Variants in ST7 observed in about 807,000 individuals in gnomAD.
ST7 encodes the protein suppressor of tumorigenicity 7 protein.
ST7 carries 28 observed loss-of-function variants against 78.7 expected under a neutral mutation model. The ratio of observed to expected loss-of-function variants is 0.36; its 90% CI spans 0.26 to 0.49. The LOEUF is 0.49. ST7 is among the 20% of genes least tolerant of loss of function. The pLI is 0.99. For synonymous variants in ST7, 247 were observed against 249.6 expected (o/e 0.99, Z 0.10); for missense variants, 418 against 696.0 (o/e 0.60, Z 4.49).
chr7:117,176,552 T>G lies in ST7; in HGVS notation c.1078+5576T>G, dbSNP rs116014934. On this transcript the variant is annotated intron_variant, in intron 10 of 15. Coordinates refer to ENST00000323984, the MANE Select transcript of ST7 (RefSeq NM_001369598.1). ...CATGTAGTTATAACTAAAAATTTCG[T>G]AAACCTTGCTTATTTCCCAAGGCCT... is the stretch of plus-strand genomic sequence containing the variant. 3.3e-3 allele frequency among the ~76,000 whole-genome samples: 507 copies of G among 152,332 alleles called. 5 individuals are homozygous for G. The highest frequency in any genetic ancestry group is 0.011 in the African/African-American group (474 of 41,580).
chr7:117,001,989 G>C (rs897785893), intron 1 of ST7, among the ~76,000 whole-genome samples: 5 of 152,110 alleles, frequency 3.3e-5, no homozygotes, highest in Non-Finnish European at 5.9e-5. Context: ...ACTTTGGGAG[G>C]CTGAGGCGGA....
chr7:117,160,385 C>G (rs1807039884), intron 9 of ST7, among the ~76,000 whole-genome samples: 1 of 151,938 alleles, frequency 6.6e-6, no homozygotes, highest in African/African-American at 2.4e-5. Context: ...GTAGTGGGAG[C>G]TAGGTGTTAT....
intron 1 of ST7, among the ~76,000 whole-genome samples, chr7:117,004,705 A>G (rs1232944011): frequency 1.3e-5 from 2 of 152,136 alleles, no homozygotes; most frequent in African/African-American, 2.4e-5. Context: ...AAAAATAAAA[A>G]TAAAATGACT....
intron 1 of ST7, among the ~76,000 whole-genome samples, chr7:117,059,537 A>G (rs926797128): frequency 6.6e-6 from 1 of 152,156 alleles, no homozygotes; most frequent in African/African-American, 2.4e-5. Context: ...TGGCATATAT[A>G]TGGATATATA....
At chr7:117,222,138 T>C (rs2116182525) in intron 15 of ST7, 76 bp downstream of exon 15, 6 of 1,495,228 alleles carry the variant, frequency 4.0e-6, no homozygotes, top group Non-Finnish European at 5.3e-6. Flanking sequence ...GTGAGAGAAA[T>C]GGGGTTGCCT....
chr7:117,107,039 A>G (rs537750158), intron 2 of ST7, among the ~76,000 whole-genome samples: 3 of 152,248 alleles, frequency 2.0e-5, no homozygotes, highest in African/African-American at 7.2e-5. Flanking sequence ...GTCCAATTCC[A>G]TCCAGATTGC....
chr7:117,221,404 A>G (rs1371075326), intron 14 of ST7, among the ~76,000 whole-genome samples: 1 of 152,158 alleles, frequency 6.6e-6, no homozygotes, highest in African/African-American at 2.4e-5. Context: ...GGCACCCTCC[A>G]CTGATATACT....
chr7:117,075,820 T>C (rs1262769273), intron 1 of ST7, among the ~76,000 whole-genome samples: 1 of 152,232 alleles, frequency 6.6e-6, no homozygotes, highest in African/African-American at 2.4e-5. Flanking sequence ...CCCCATAGAC[T>C]GTTCTTTTTG....
In ST7 at chr7:117,190,627, A is replaced by C. The variant is rs1809687990; in HGVS notation, c.1152-207A>C. On this transcript the variant is annotated intron_variant, in intron 11 of 15. Coordinates refer to ENST00000323984, the MANE Select transcript of ST7 (RefSeq NM_001369598.1). This position sits in a 1 kb window ranked among gnomAD's most constrained non-coding sequence, Gnocchi z 5.2. ...ACAGCCGAATTTAACTCCTGCCATG[A>C]CTAGATGCAAGCACGCTTTCTGCTT... Among the ~76,000 whole-genome samples, 3 of 152,182 alleles carry C rather than the reference A, an allele frequency of 2.0e-5. No homozygotes were observed. Among genetic ancestry groups the C allele is most frequent in the Admixed American group, 1.3e-4 (2 of 15,284 alleles).
chr7:117,091,593 C>T (rs1800619145), intron 1 of ST7, among the ~76,000 whole-genome samples: 2 of 152,130 alleles, frequency 1.3e-5, no homozygotes, highest in African/African-American at 2.4e-5. Flanking sequence ...GGGAAAGAAA[C>T]GCTCGGGGCA....
chr7:117,198,212 C>A, intron 12 of ST7: 1 of 382,828 alleles, frequency 2.6e-6, no homozygotes, highest in Non-Finnish European at 5.2e-6. Flanking sequence ...GGACTGATGA[C>A]AGGTAAATGA....
chr7:116,958,879 G>T (rs1186430045), intron 1 of ST7, among the ~76,000 whole-genome samples: 1 of 152,182 alleles, frequency 6.6e-6, no homozygotes, highest in Non-Finnish European at 1.5e-5. Flanking sequence ...CTGGTAGAGA[G>T]TCTTGCCTTG....
intron 1 of ST7, among the ~76,000 whole-genome samples, chr7:116,971,987 C>G (rs1793449065): frequency 6.6e-6 from 1 of 152,262 alleles, no homozygotes; most frequent in South Asian, 2.1e-4. Context: ...GCTGGAATCT[C>G]CGGGAAGAGG....
At chr7:117,013,005 A>G (rs1404495025) in intron 1 of ST7, among the ~76,000 whole-genome samples, 1 of 152,212 alleles carries the variant, frequency 6.6e-6, no homozygotes, top group Non-Finnish European at 1.5e-5. Context: ...TTTCCTTAAA[A>G]TATCTGTCTC....
intron 9 of ST7, among the ~76,000 whole-genome samples, chr7:117,161,090 G>A (rs551399041): frequency 1.9e-3 from 284 of 148,368 alleles, no homozygotes; most frequent in African/African-American, 7.1e-3. Flanking sequence ...GTTCAATCAA[G>A]GACACTGTTG....
intron 2 of ST7, among the ~76,000 whole-genome samples, chr7:117,105,455 A>G (rs1440061561): frequency 6.6e-6 from 1 of 151,974 alleles, no homozygotes; most frequent in African/African-American, 2.4e-5. Flanking sequence ...TAATTTTTAA[A>G]ATTGTTTGTA....
At chr7:116,962,358 C>T (rs185055156) in intron 1 of ST7, among the ~76,000 whole-genome samples, 30 of 152,278 alleles carry the variant, frequency 2.0e-4, no homozygotes, top group African/African-American at 6.7e-4. Flanking sequence ...CTTGAGGAAT[C>T]GCCACACTGT....
intron 15 of ST7, among the ~76,000 whole-genome samples, chr7:117,226,412 C>G (rs915763189): frequency 6.6e-5 from 10 of 152,138 alleles, no homozygotes; most frequent in Admixed American, 5.9e-4. Context: ...GATAAATAGG[C>G]TGTTCCAGGT....
chr7:117,144,696 C>T (rs1007991809), intron 9 of ST7, among the ~76,000 whole-genome samples: 3 of 151,086 alleles, frequency 2.0e-5, no homozygotes, highest in African/African-American at 7.3e-5. Context: ...GGTTCCCTGA[C>T]CATGCCTTGA....
Sources: allele counts gnomAD v4.1 joint callset (sites outside exome capture counted in the v4.1 genomes callset), GRCh38; gene constraint gnomAD v4.1.1; non-coding constraint Gnocchi (gnomAD v3.1); transcripts MANE v1.5; gene names NCBI Gene and HGNC (gene_info 2026-07-23, HGNC 2026-07-21).